Variants in FOXJ1 observed in about 807,000 individuals in gnomAD.
The protein encoded by FOXJ1 is forkhead box protein J1.
Under a neutral mutation model 29.3 loss-of-function variants are expected in FOXJ1, and 8 were observed. That is an observed-to-expected ratio of 0.27 (90% CI 0.16 to 0.49). The LOEUF is 0.49. Among genes scored for constraint, FOXJ1 ranks in the 20% least tolerant of loss-of-function variants. The probability of loss-of-function intolerance (pLI) is 0.98; values close to 1 mark genes in which losing one functional copy is unlikely to be tolerated. For missense variants in FOXJ1, 539 were observed against 595.5 expected, an observed-to-expected ratio of 0.91 and a Z score of 0.99; for synonymous variants, 280 against 278.7, an observed-to-expected ratio of 1.00 and a Z score of -0.05.
chr17:76,138,104 T>C lies in FOXJ1; in HGVS notation c.515A>G (p.Asn172Ser). ...GATGAAGCACTTGTTCAGAGACAGG[T>C]TGTGGCGGATTGAATTCTGGGTGCA... is the stretch of plus-strand genomic sequence containing the variant. The part of the protein sequence containing the change: ...DPTWQNSIRH[N>S]LSLNKCFIKV... The change falls in exon 3 of 3, where the codon AAC (asparagine) becomes AGC (serine). Residue 172 changes from asparagine (N) to serine (S), a missense_variant. Asn to Ser is a conservative substitution (Grantham distance 46). Transcript: ENST00000322957. The C allele has an allele frequency of 6.2e-7, 1 of 1,613,614 alleles. No homozygotes were observed. Among genetic ancestry groups the C allele is most frequent in the Non-Finnish European group, 8.5e-7 (1 of 1,179,950 alleles).
chr17:76,140,370 G>C lies in FOXJ1; in HGVS notation c.26C>G (p.Ser9Trp). 2 of 1,488,230 alleles carry C rather than the reference G, an allele frequency of 1.3e-6. No individual in the cohort carries two copies. The highest frequency in any genetic ancestry group is 8.9e-7 in the Non-Finnish European group (1 of 1,126,730). 92.2% of individuals were successfully genotyped at this position (1,488,230 alleles called of 1,614,324 possible). A position where few individuals can be genotyped will look rare whatever the true frequency, so the allele number is the denominator to read the frequency against. ...GGCCTCCTCCGCCGGCCCGGCTCCCGAGAGGCGCAGCCAGCTCTCCGCCAT... is the reference window on the plus strand; with the variant it reads ...GGCCTCCTCCGCCGGCCCGGCTCCCCAGAGGCGCAGCCAGCTCTCCGCCAT... MAESWLRLSGAGPAEEAGP... is the reference protein window; with the variant it reads MAESWLRLWGAGPAEEAGP... The change falls in exon 2 of 3, where the codon TCG becomes TGG. Residue 9 changes from serine to tryptophan, a missense_variant. Coordinates refer to ENST00000322957, the MANE Select transcript of FOXJ1 (RefSeq NM_001454.4). This position sits in a 1 kb window ranked among gnomAD's most constrained non-coding sequence, Gnocchi z 8.0.
chr17:76,140,229 C>A lies in FOXJ1; in HGVS notation c.167G>T (p.Gly56Val), dbSNP rs777011051. 8 of 1,450,616 alleles carry A rather than the reference C, an allele frequency of 5.5e-6. No homozygotes were observed. The allele number at this position is 1,450,616 out of a possible 1,614,324, so 89.9% of individuals were successfully genotyped here. A position where few individuals can be genotyped will look rare whatever the true frequency, so the allele number is the denominator to read the frequency against. The change falls in exon 2 of 3, where the codon GGC becomes GTC. Residue 56 changes from glycine (G) to valine (V), a missense_variant. Around this residue, in one of 3 missense-constraint regions of FOXJ1, gnomAD observed 178 missense variants for 254.4 expected, o/e 0.70. Transcript: ENST00000322957. This position sits in a 1 kb window ranked among gnomAD's most constrained non-coding sequence, Gnocchi z 8.0. ...CTGGTGGTAGCCGTGGGGGTCGGTG[C>A]CCCCCGGGGGCAGGGCGGGGGCCTT... ...NAKAPALPPGGTDPHGYHQVP... is the reference protein window; with the variant it reads ...NAKAPALPPGVTDPHGYHQVP...
Position 76,137,646 on chromosome 17 carries a change from C to T in FOXJ1, c.973G>A (p.Gly325Ser). 6.2e-7 allele frequency: 1 copy of T among 1,607,306 alleles called. No homozygotes were observed. The highest frequency in any genetic ancestry group is 2.2e-5 in the East Asian group (1 of 44,622). ...FDAGTLGGEL[G>S]ALEALELSPP... The stretch of plus-strand genomic sequence containing the variant: ...CTCAGCTCCAGGGCCTCCAGTGCAC[C>T]CAGCTCCCCGCCCAGAGTGCCGGCG... Residue 325 changes from glycine to serine, a missense_variant, in exon 3 of 3, where the codon GGT becomes AGT. Transcript: ENST00000322957. This position sits in a 1 kb window ranked among gnomAD's most constrained non-coding sequence, Gnocchi z 9.5.
chr17:76,137,805 G>T lies in FOXJ1; in HGVS notation c.814C>A (p.His272Asn). The T allele has an allele frequency of 6.2e-7, 1 of 1,602,484 alleles. No individual in the cohort carries two copies. Among genetic ancestry groups the T allele is most frequent in the East Asian group, 2.2e-5 (1 of 44,470 alleles). Residue 272 changes from histidine (H) to asparagine (N), a missense_variant, in exon 3 of 3, where the codon CAT (histidine) becomes AAT (asparagine). Around this residue, in one of 3 missense-constraint regions of FOXJ1, gnomAD observed 302 missense variants for 293.6 expected, o/e 1.03. Transcript: ENST00000322957. The surrounding 1 kb of genome is among the most constrained non-coding windows in gnomAD (Gnocchi z 9.5). ...GWGAGEGRLG[H>N]KRKQPLPKRV... The stretch of plus-strand genomic sequence containing the variant: ...TTGGGCAGCGGCTGTTTGCGCTTAT[G>T]CCCCAGCCTGCCCTCGCCTGCACCC...
Position 76,139,945 on chromosome 17 carries a change from T to C in FOXJ1, c.451A>G (p.Ile151Val). The change falls in exon 2 of 3, where the codon ATC becomes GTC. Residue 151 changes from isoleucine to valine, a missense_variant. Physicochemically the swap from Ile to Val is conservative, Grantham distance 29 (BLOSUM62 3). This residue lies in a region of FOXJ1 where 178 missense variants were observed against 254.4 expected (regional missense o/e 0.70). Transcript: ENST00000322957. This position sits in a 1 kb window ranked among gnomAD's most constrained non-coding sequence, Gnocchi z 6.6. ...KITLSAIYKW[I>V]TDNFCYFRHA... ...CGGAAGTAGCAGAAGTTGTCCGTGA[T>C]CCACTTGTAGATGGCCGACAGGGTG... The C allele has an allele frequency of 1.9e-6, 3 of 1,612,106 alleles. No individual in the cohort carries two copies. Among genetic ancestry groups the C allele is most frequent in the Non-Finnish European group, 2.5e-6 (3 of 1,179,220 alleles).
intron 2 of FOXJ1, 76 bp from the exon 3 acceptor site, chr17:76,138,196 G>A (rs962235379): frequency 2.0e-5 from 29 of 1,471,462 alleles, no homozygotes; most frequent in Non-Finnish European, 2.6e-5. Context: ...GGCACCTGGC[G>A]CTGCTGCGCA....
rs370779574 is a variant in FOXJ1, at chr17:76,141,220, GC to G, written c.-277del. 2 of 152,124 alleles carry G rather than the reference GC, an allele frequency of 1.3e-5. No individual in the cohort carries two copies. The highest frequency in any genetic ancestry group is 2.9e-5 in the Non-Finnish European group (2 of 68,096). 9.4% of individuals were successfully genotyped at this position (152,124 alleles called of 1,614,324 possible). A position where few individuals can be genotyped will look rare whatever the true frequency, so the allele number is the denominator to read the frequency against. On this transcript the variant is annotated 5_prime_UTR_variant, in exon 1 of 3. Coordinates refer to ENST00000322957, the MANE Select transcript of FOXJ1 (RefSeq NM_001454.4). The surrounding 1 kb of genome is among the most constrained non-coding windows in gnomAD (Gnocchi z 4.2). ...GGGGGCCCTGCCAGCGCCTCTTGCC[GC>G]CCCCCCGCCCGACGGCGCTTCTCTG...
In FOXJ1 at chr17:76,136,593, G is replaced by C. The variant is rs1266330317; in HGVS notation, c.*760C>G. 1 of 152,172 alleles carries C rather than the reference G, an allele frequency of 6.6e-6. No homozygotes were observed. Among genetic ancestry groups the C allele is most frequent in the African/African-American group, 2.4e-5 (1 of 41,394 alleles). The allele number at this position is 152,172 out of a possible 1,614,324, so 9.4% of individuals were successfully genotyped here. A position where few individuals can be genotyped will look rare whatever the true frequency, so the allele number is the denominator to read the frequency against. On this transcript the variant is annotated 3_prime_UTR_variant, in exon 3 of 3. Transcript: ENST00000322957. This position sits in a 1 kb window ranked among gnomAD's most constrained non-coding sequence, Gnocchi z 4.9. ...ACAGCTACACTCACTACATTAGTCT[G>C]TCTGTCCTGCCCCATACAGCTTGGC... is the stretch of plus-strand genomic sequence containing the variant.
chr17:76,141,225 C>G lies in FOXJ1; in HGVS notation c.-281G>C, dbSNP rs935146501. 6 of 152,394 alleles carry G rather than the reference C, an allele frequency of 3.9e-5. No homozygotes were observed. Among genetic ancestry groups the G allele is most frequent in the African/African-American group, 9.7e-5 (4 of 41,446 alleles). The allele number at this position is 152,394 out of a possible 1,614,324, so 9.4% of individuals were successfully genotyped here. The stretch of plus-strand genomic sequence containing the variant: ...CCCTGCCAGCGCCTCTTGCCGCCCC[C>G]CCGCCCGACGGCGCTTCTCTGAGCT... On this transcript the variant is annotated 5_prime_UTR_variant, in exon 1 of 3. Coordinates refer to ENST00000322957, the MANE Select transcript of FOXJ1 (RefSeq NM_001454.4). This position sits in a 1 kb window ranked among gnomAD's most constrained non-coding sequence, Gnocchi z 4.2.
Position 76,139,703 on chromosome 17 carries a change from T to TTCTC in FOXJ1, c.498+191_498+194dup, listed in dbSNP as rs3217611. Among the ~76,000 whole-genome samples the TTCTC allele has an allele frequency of 1.0e-4, 15 of 150,236 alleles. No homozygotes were observed. Among genetic ancestry groups the TTCTC allele is most frequent in the South Asian group, 2.1e-4 (1 of 4,772 alleles). On this transcript the variant is annotated intron_variant, in intron 2 of 2. Coordinates refer to ENST00000322957, the MANE Select transcript of FOXJ1 (RefSeq NM_001454.4). This position sits in a 1 kb window ranked among gnomAD's most constrained non-coding sequence, Gnocchi z 6.6. ...GCCCTCCACCTCTGGACATTCTCCC[T>TTCTC]TCTCTCTCTCTCTCTCTCTGGAAGT...
In FOXJ1 at chr17:76,137,495, G is replaced by A; in HGVS notation, c.1124C>T (p.Thr375Ile). 6.3e-7 allele frequency: 1 copy of A among 1,583,378 alleles called. No homozygotes were observed. Among genetic ancestry groups the A allele is most frequent in the Non-Finnish European group, 8.6e-7 (1 of 1,165,618 alleles). ...CTGCAGGAAGGATGTGGCCAGGAAG[G>A]TCTCATCGAAGTCCAGGCTGTCGGC... ...QAADSLDFDETFLATSFLQHP... is the reference protein window; with the variant it reads ...QAADSLDFDEIFLATSFLQHP... Residue 375 changes from threonine (T) to isoleucine (I), a missense_variant, in exon 3 of 3, where the codon ACC becomes ATC. By Grantham distance (89) the Thr-to-Ile change is moderately conservative (BLOSUM62 -1). This residue lies in a region of FOXJ1 where 302 missense variants were observed against 293.6 expected (regional missense o/e 1.03). Coordinates refer to ENST00000322957, the MANE Select transcript of FOXJ1 (RefSeq NM_001454.4). This position sits in a 1 kb window ranked among gnomAD's most constrained non-coding sequence, Gnocchi z 9.5.
At position 76,139,709 on chromosome 17, in the gene FOXJ1, C is replaced by G. The variant is rs2068502856; in HGVS notation, c.498+189G>C. 6.6e-6 allele frequency among the ~76,000 whole-genome samples: 1 copy of G among 152,182 alleles called. No individual in the cohort carries two copies. The highest frequency in any genetic ancestry group is 2.4e-5 in the African/African-American group (1 of 41,452). The stretch of plus-strand genomic sequence containing the variant: ...CACCTCTGGACATTCTCCCTTCTCT[C>G]TCTCTCTCTCTCTGGAAGTCAAAGG... On this transcript the variant is annotated intron_variant, in intron 2 of 2. Transcript: ENST00000322957. This position sits in a 1 kb window ranked among gnomAD's most constrained non-coding sequence, Gnocchi z 6.6.
Position 76,136,367 on chromosome 17 carries a change from T to G in FOXJ1, c.*986A>C, listed in dbSNP as rs2068479615. On this transcript the variant is annotated 3_prime_UTR_variant, in exon 3 of 3. Coordinates refer to ENST00000322957, the MANE Select transcript of FOXJ1 (RefSeq NM_001454.4). The surrounding 1 kb of genome is among the most constrained non-coding windows in gnomAD (Gnocchi z 4.9). The stretch of plus-strand genomic sequence containing the variant: ...TTAAAAATTTTATTTTTAAAAACTT[T>G]TCATTGTAAATAACTTTCATGAAAA... 1.3e-5 allele frequency: 2 copies of G among 152,138 alleles called. No homozygotes were observed. The allele number at this position is 152,138 out of a possible 1,614,324, so 9.4% of individuals were successfully genotyped here.
rs1010068633 is a variant in FOXJ1, at chr17:76,137,430, C to T, written c.1189G>A (p.Glu397Lys). ...GCATCCCCAGCCTCAAAGAGGGGCT[C>T]CGGGGGCAGGCAGCCACTGCCGCTC... ...DESGSGCLPP[E>K]PLFEAGDATL... The change falls in exon 3 of 3, where the codon GAG becomes AAG. Residue 397 changes from glutamate to lysine, a missense_variant. Around this residue, in one of 3 missense-constraint regions of FOXJ1, gnomAD observed 302 missense variants for 293.6 expected, o/e 1.03. Coordinates refer to ENST00000322957, the MANE Select transcript of FOXJ1 (RefSeq NM_001454.4). The surrounding 1 kb of genome is among the most constrained non-coding windows in gnomAD (Gnocchi z 9.5). The T allele has an allele frequency of 3.2e-6, 5 of 1,543,484 alleles. No individual in the cohort carries two copies. The highest frequency in any genetic ancestry group is 4.4e-6 in the Non-Finnish European group (5 of 1,147,898).
At position 76,137,963 on chromosome 17, in the gene FOXJ1, T is replaced by G; in HGVS notation, c.656A>C (p.His219Pro). 6.3e-7 allele frequency: 1 copy of G among 1,594,982 alleles called. No homozygotes were observed. Among genetic ancestry groups the G allele is most frequent in the Non-Finnish European group, 8.5e-7 (1 of 1,170,948 alleles). The change falls in exon 3 of 3, where the codon CAC becomes CCC. Residue 219 changes from histidine (H) to proline (P), a missense_variant. Around this residue, in one of 3 missense-constraint regions of FOXJ1, gnomAD observed 302 missense variants for 293.6 expected, o/e 1.03. Coordinates refer to ENST00000322957, the MANE Select transcript of FOXJ1 (RefSeq NM_001454.4). This position sits in a 1 kb window ranked among gnomAD's most constrained non-coding sequence, Gnocchi z 9.5. ...CTGGCGGGCAAAGGCTGGGTGGATGTGGACAGGGGGCAGTCGCCGCTTCTT... is the reference window on the plus strand; with the variant it reads ...CTGGCGGGCAAAGGCTGGGTGGATGGGGACAGGGGGCAGTCGCCGCTTCTT... ...AFKKRRLPPV[H>P]IHPAFARQAA...
chr17:76,138,509 C>T (rs1189196794), intron 2 of FOXJ1, among the ~76,000 whole-genome samples: 1 of 152,080 alleles, frequency 6.6e-6, no homozygotes, highest in African/African-American at 2.4e-5. Flanking sequence ...CTGGGCCTGG[C>T]TGGCCCTCTC....
chr17:76,137,363 G>A lies in FOXJ1; in HGVS notation c.1256C>T (p.Ala419Val). Residue 419 changes from alanine to valine, a missense_variant, in exon 3 of 3, where the codon GCC becomes GTC. Physicochemically the swap from Ala to Val is moderately conservative, Grantham distance 64 (BLOSUM62 0). Coordinates refer to ENST00000322957, the MANE Select transcript of FOXJ1 (RefSeq NM_001454.4). The surrounding 1 kb of genome is among the most constrained non-coding windows in gnomAD (Gnocchi z 9.5). ...SDLQDWASVG[A>V]FL ...GCAGGGCCTGGCCTCTTACAAGAAG[G>A]CCCCCACGCTGGCCCAGTCCTGCAG... The A allele has an allele frequency of 2.0e-6, 3 of 1,489,712 alleles. No individual in the cohort carries two copies. Among genetic ancestry groups the A allele is most frequent in the Non-Finnish European group, 2.7e-6 (3 of 1,121,924 alleles). 92.3% of individuals were successfully genotyped at this position (1,489,712 alleles called of 1,614,324 possible).
chr17:76,140,456 C>T lies in FOXJ1; in HGVS notation c.-61G>A. On this transcript the variant is annotated 5_prime_UTR_variant, in exon 2 of 3. Transcript: ENST00000322957. This position sits in a 1 kb window ranked among gnomAD's most constrained non-coding sequence, Gnocchi z 8.0. ...CACGGGCTGAGCCGGGGGTGGCCCG[C>T]CGCGCTCTCTGGCCCGCTGAGTCCC... 1 of 1,348,820 alleles carries T rather than the reference C, an allele frequency of 7.4e-7. No homozygotes were observed. 83.6% of individuals were successfully genotyped at this position (1,348,820 alleles called of 1,614,324 possible).
In FOXJ1 at chr17:76,137,581, G is replaced by GAGGTCC; in HGVS notation, c.1032_1037dup (p.Asp345_Leu346dup). On this transcript the variant is annotated inframe_insertion, in exon 3 of 3. Coordinates refer to ENST00000322957, the MANE Select transcript of FOXJ1 (RefSeq NM_001454.4). The surrounding 1 kb of genome is among the most constrained non-coding windows in gnomAD (Gnocchi z 9.5). ...AGTCGATGTGGCGGCCGTGGATGGT[G>GAGGTCC]AGGTCCACGTCCACGTGTGAGGCGG... 6.3e-7 allele frequency: 1 copy of GAGGTCC among 1,599,698 alleles called. No individual in the cohort carries two copies. Among genetic ancestry groups the GAGGTCC allele is most frequent in the Non-Finnish European group, 8.5e-7 (1 of 1,172,310 alleles).
Sources: gnomAD v4.1 joint callset for allele counts (sites outside exome capture counted in the v4.1 genomes callset) on GRCh38, gnomAD v4.1.1 for gene constraint, gnomAD v4.1.1 regional missense constraint, Gnocchi (gnomAD v3.1) non-coding constraint, MANE v1.5 for transcripts, NCBI Gene and HGNC (gene_info 2026-07-23, HGNC 2026-07-21) for gene names.